SCEL: variants seen among roughly 807,000 people sequenced by gnomAD.
The protein encoded by SCEL is sciellin.
In SCEL, 113 loss-of-function variants were observed where a neutral mutation model predicts 117.6. The ratio of observed to expected loss-of-function variants is 0.96; its 90% CI spans 0.83 to 1.12. The LOEUF (loss-of-function observed/expected upper bound fraction) is 1.12, where lower values mean the gene tolerates loss of function less well. Among genes scored for constraint, SCEL ranks in the 50% most tolerant of loss-of-function variants. The probability of loss-of-function intolerance (pLI) is 0.00; values close to 1 mark genes in which losing one functional copy is unlikely to be tolerated. For missense variants in SCEL, 785 were observed against 810.8 expected, an observed-to-expected ratio of 0.97 and a Z score of 0.39; for synonymous variants, 270 against 256.2, an observed-to-expected ratio of 1.05 and a Z score of -0.51.
At chr13:77,555,060 T>C (rs772481277) in intron 1 of SCEL, among the ~76,000 whole-genome samples, 54 of 152,284 alleles carry the variant, frequency 3.5e-4, no homozygotes, top group Non-Finnish European at 6.5e-4. Context: ...ATAATAATAA[T>C]GAAGCCAGCC....
At chr13:77,609,004 C>A in intron 20 of SCEL, 54 bp from the exon 21 acceptor site, 2 of 1,364,498 alleles carry the variant, frequency 1.5e-6, no homozygotes, top group Admixed American at 2.3e-5. Flanking sequence ...TCAAAACAGT[C>A]AATTGATTTA....
chr13:77,604,320 A>T, intron 18 of SCEL, 36 bp from the exon 19 acceptor site: 1 of 1,360,068 alleles, frequency 7.4e-7, no homozygotes, highest in Non-Finnish European at 1.0e-6. Flanking sequence ...GCTATACTTT[A>T]ACATCATTCA....
intron 7 of SCEL, 89 bp from the exon 8 acceptor site, chr13:77,569,282 A>T (rs1349356137): frequency 2.1e-6 from 2 of 975,072 alleles, no homozygotes; most frequent in Non-Finnish European, 3.2e-6. Context: ...AGCAGGCAGG[A>T]ATATGAGTAG....
At position 77,563,620 on chromosome 13, in the gene SCEL, G is replaced by C. The variant is rs2085109875; in HGVS notation, c.222-211G>C. On this transcript the variant is annotated intron_variant, in intron 4 of 32. Coordinates refer to ENST00000349847, the MANE Select transcript of SCEL (RefSeq NM_144777.3). ...GTCAGAAATAATAGAAGCCAGAGAA[G>C]AATCTTTTATTAGCATAGGATATTG... Among the ~76,000 whole-genome samples the C allele has an allele frequency of 1.3e-5, 2 of 152,118 alleles. 1 individual carries two copies. The highest frequency in any genetic ancestry group is 4.1e-4 in the South Asian group (2 of 4,828).
Position 77,635,613 on chromosome 13 carries a change from A to T in SCEL, c.1763+1163A>T, listed in dbSNP as rs151087748. Among the ~76,000 whole-genome samples the T allele has an allele frequency of 3.0e-4, 45 of 152,352 alleles. No individual in the cohort carries two copies. In the East Asian group the frequency reaches 8.3e-3, roughly 28 times the overall value. On this transcript the variant is annotated intron_variant, in intron 29 of 32. Transcript: ENST00000349847. ...AATGAATGATTTATTTAAGAATAGG[A>T]ATATTCTGCTAAACATCGTACTCGA... is the stretch of plus-strand genomic sequence containing the variant.
At chr13:77,561,919 G>A (rs934883415) in intron 4 of SCEL, among the ~76,000 whole-genome samples, 2 of 152,220 alleles carry the variant, frequency 1.3e-5, no homozygotes, top group East Asian at 1.9e-4. Flanking sequence ...GACAATGTGT[G>A]CAGAGAGCTG....
At chr13:77,575,840 A>C (rs543013041) in intron 9 of SCEL, among the ~76,000 whole-genome samples, 5 of 152,356 alleles carry the variant, frequency 3.3e-5, no homozygotes, top group Admixed American at 2.0e-4. Flanking sequence ...TTATCAAGAT[A>C]TGCCAAGCAG....
intron 19 of SCEL, among the ~76,000 whole-genome samples, chr13:77,606,964 T>C (rs1043544180): frequency 6.6e-6 from 1 of 152,232 alleles, no homozygotes; most frequent in Non-Finnish European, 1.5e-5. Context: ...AAAATTCCAC[T>C]AAGATCAGAA....
intron 1 of SCEL, among the ~76,000 whole-genome samples, chr13:77,554,121 A>C (rs1201356719): frequency 6.6e-6 from 1 of 152,094 alleles, no homozygotes; most frequent in Non-Finnish European, 1.5e-5. Context: ...GGAGTGAGGC[A>C]GGGGGAGGCC....
intron 9 of SCEL, among the ~76,000 whole-genome samples, chr13:77,579,252 C>T (rs1218626940): frequency 6.6e-6 from 1 of 152,204 alleles, no homozygotes; most frequent in African/African-American, 2.4e-5. Context: ...TTGTGCATTA[C>T]TTTGACACAT....
At chr13:77,589,888 A>G (rs546677595) in intron 10 of SCEL, among the ~76,000 whole-genome samples, 11 of 152,080 alleles carry the variant, frequency 7.2e-5, no homozygotes, top group African/African-American at 2.4e-4. Flanking sequence ...AGAGATCTGA[A>G]CTCTTCCCAT....
intron 9 of SCEL, among the ~76,000 whole-genome samples, 197 bp from the exon 10 acceptor site, chr13:77,588,947 A>G (rs1217492271): frequency 6.6e-6 from 1 of 152,218 alleles, no homozygotes; most frequent in African/African-American, 2.4e-5. Context: ...AATAAACTTT[A>G]AAAATACACA....
intron 16 of SCEL, 103 bp downstream of exon 16, chr13:77,602,227 T>A: frequency 1.1e-6 from 1 of 892,204 alleles, no homozygotes; most frequent in South Asian, 1.8e-5. Context: ...CAGTGAACTC[T>A]TGTACTGCTT....
intron 1 of SCEL, among the ~76,000 whole-genome samples, chr13:77,540,578 T>G (rs1187137179): frequency 1.3e-5 from 2 of 151,804 alleles, no homozygotes; most frequent in African/African-American, 4.8e-5. Flanking sequence ...TGAAGGAAAA[T>G]GAGGGGTTGA....
At chr13:77,598,723 C>T (rs887474912) in intron 13 of SCEL, among the ~76,000 whole-genome samples, 4 of 152,204 alleles carry the variant, frequency 2.6e-5, no homozygotes, top group African/African-American at 4.8e-5. Flanking sequence ...CGCTCTGTCG[C>T]CCAGGCTGGA....
At chr13:77,598,456 G>A (rs2087398260) in intron 13 of SCEL, among the ~76,000 whole-genome samples, 1 of 152,164 alleles carries the variant, frequency 6.6e-6, no homozygotes, top group East Asian at 1.9e-4. Flanking sequence ...TACAAGGAGA[G>A]GAGGTTTTAG....
At chr13:77,599,873 AG>A (rs1351908164) in intron 15 of SCEL, 125 bp downstream of exon 15, 1 of 695,434 alleles carries the variant, frequency 1.4e-6, no homozygotes, top group Non-Finnish European at 2.6e-6. Flanking sequence ...ACTGGGGTCC[AG>A]GGATAGTGTG....
chr13:77,615,866 T>G (rs1429238322), intron 24 of SCEL, among the ~76,000 whole-genome samples: 2 of 152,112 alleles, frequency 1.3e-5, no homozygotes, highest in Non-Finnish European at 2.9e-5. Context: ...AAATGTGGGT[T>G]GCAACTCATT....
intron 15 of SCEL, 157 bp downstream of exon 15, chr13:77,599,905 CA>C: frequency 1.7e-6 from 1 of 595,884 alleles, no homozygotes; most frequent in South Asian, 2.2e-5. Flanking sequence ...CTGGTTTTGC[CA>C]CCAACATCAA....
Sources: gnomAD v4.1 joint callset for allele counts (sites outside exome capture counted in the v4.1 genomes callset) on GRCh38, gnomAD v4.1.1 for gene constraint, MANE v1.5 for transcripts, NCBI Gene and HGNC (gene_info 2026-07-23, HGNC 2026-07-21) for gene names.